The following RNF128 variants were observed in gnomAD, a reference collection of about 807,000 sequenced individuals.
The protein encoded by RNF128 is E3 ubiquitin-protein ligase RNF128.
Under a neutral mutation model 26.2 loss-of-function variants are expected in RNF128, and 13 were observed. The ratio of observed to expected loss-of-function variants is 0.50; its 90% CI spans 0.32 to 0.79. The LOEUF (loss-of-function observed/expected upper bound fraction) is 0.79. RNF128 is among the 30% of genes least tolerant of loss of function. The pLI is 0.03. For missense variants in RNF128, 315 were observed against 349.7 expected, an observed-to-expected ratio of 0.90 and a Z score of 0.79; for synonymous variants, 149 against 142.5, an observed-to-expected ratio of 1.05 and a Z score of -0.32.
At chrX:106,758,254 A>T (rs1569441700) in intron 1 of RNF128, among the ~76,000 whole-genome samples, 2 of 111,935 alleles carry the variant, frequency 1.8e-5, no homozygotes, top group East Asian at 5.6e-4. Flanking sequence ...AAAACTGTAA[A>T]ACAATGATAT....
intron 1 of RNF128, among the ~76,000 whole-genome samples, chrX:106,731,118 C>A (rs2147669991): frequency 8.9e-6 from 1 of 112,305 alleles, no homozygotes; most frequent in African/African-American, 3.2e-5. Context: ...ATATAGGAAG[C>A]TACTATTATG....
intron 1 of RNF128, among the ~76,000 whole-genome samples, chrX:106,715,166 G>T (rs1929192550): frequency 8.9e-6 from 1 of 111,943 alleles, no homozygotes; most frequent in Non-Finnish European, 1.9e-5. Flanking sequence ...AAAAAAAAAT[G>T]TACGTATGAT....
At chrX:106,761,942 C>CT (rs1239619554) in intron 1 of RNF128, among the ~76,000 whole-genome samples, 56 of 101,355 alleles carry the variant, frequency 5.5e-4, no homozygotes, top group East Asian at 2.4e-3. Context: ...CAGACACTGT[C>CT]TTTTTTTTTT....
At chrX:106,795,467 A>T (rs1017935638) in intron 6 of RNF128, 113 bp from the exon 7 acceptor site, 2 of 629,090 alleles carry the variant, frequency 3.2e-6, no homozygotes, top group Non-Finnish European at 4.8e-6. Context: ...TGAATATGGT[A>T]ATCAGTGTAT....
intron 1 of RNF128, among the ~76,000 whole-genome samples, chrX:106,703,130 A>G (rs914670132): frequency 9.8e-5 from 11 of 111,961 alleles, no homozygotes; most frequent in African/African-American, 3.2e-4. Context: ...ATACATTGAC[A>G]TCTCCCCCGT....
chrX:106,698,915 G>T (rs958479817), intron 1 of RNF128, among the ~76,000 whole-genome samples: 5 of 110,704 alleles, frequency 4.5e-5, no homozygotes, highest in Non-Finnish European at 9.4e-5. Context: ...CTTGCCACAC[G>T]GGACTCCTTT....
intron 2 of RNF128, among the ~76,000 whole-genome samples, chrX:106,782,696 A>G (rs1930586833): frequency 8.9e-6 from 1 of 112,024 alleles, no homozygotes; most frequent in South Asian, 3.7e-4. Context: ...TATAAAAAAT[A>G]TATTTTAAAC....
chrX:106,753,521 C>T (rs950058920), intron 1 of RNF128, among the ~76,000 whole-genome samples: 24 of 110,205 alleles, frequency 2.2e-4, no homozygotes, highest in Admixed American at 6.8e-4. Context: ...ATCACCTTCA[C>T]AAAAAGAAGA....
At position 106,735,042 on chromosome X, in the gene RNF128, A is replaced by G. The variant is rs936173404; in HGVS notation, c.484+7645A>G. Among the ~76,000 whole-genome samples the G allele has an allele frequency of 2.5e-4, 28 of 111,871 alleles. No individual in the cohort carries two copies. The Admixed American group carries it at 2.6e-3, about 10-fold the overall frequency. On this transcript the variant is annotated intron_variant, in intron 1 of 6. Coordinates refer to ENST00000255499, the MANE Select transcript of RNF128 (RefSeq NM_194463.2). Reference sequence around the variant, plus strand: ...GAACACAAGGGCTCTTTGTTGTGTTATTTCCTGTTCTGTCCTTTTCTTTTT... The same window carrying G: ...GAACACAAGGGCTCTTTGTTGTGTTGTTTCCTGTTCTGTCCTTTTCTTTTT...
chrX:106,733,861 C>T (rs1299777709), intron 1 of RNF128, among the ~76,000 whole-genome samples: 4 of 110,272 alleles, frequency 3.6e-5, no homozygotes, highest in African/African-American at 6.6e-5. Context: ...CTAACACACC[C>T]GGCTAATTGT....
At position 106,734,094 on chromosome X, in the gene RNF128, A is replaced by G. The variant is rs189699881; in HGVS notation, c.484+6697A>G. 7.2e-5 allele frequency among the ~76,000 whole-genome samples: 8 copies of G among 111,838 alleles called. No homozygotes were observed. In the Admixed American group the frequency reaches 7.6e-4, roughly 11 times the overall value. On this transcript the variant is annotated intron_variant, in intron 1 of 6. Coordinates refer to ENST00000255499, the MANE Select transcript of RNF128 (RefSeq NM_194463.2). Reference sequence around the variant, plus strand: ...TTTGTATACTGCTTTCTATTGTAAGAATTTCTCCATGTATCTAGAAATAGA... The same window carrying G: ...TTTGTATACTGCTTTCTATTGTAAGGATTTCTCCATGTATCTAGAAATAGA...
chrX:106,703,926 A>G (rs1450101551), intron 1 of RNF128, among the ~76,000 whole-genome samples: 1 of 110,608 alleles, frequency 9.0e-6, no homozygotes, highest in Non-Finnish European at 1.9e-5. Context: ...GAATGGCAAC[A>G]AAAATTCCTG....
intron 1 of RNF128, among the ~76,000 whole-genome samples, chrX:106,710,042 A>G (rs1474515178): frequency 8.9e-6 from 1 of 112,019 alleles, no homozygotes; most frequent in East Asian, 2.8e-4. Context: ...AAACACTCCA[A>G]TGTTCTAAAT....
chrX:106,709,259 G>A (rs1460404278), intron 1 of RNF128, among the ~76,000 whole-genome samples: 1 of 111,200 alleles, frequency 9.0e-6, no homozygotes, highest in Non-Finnish European at 1.9e-5. Context: ...TATCCCCATT[G>A]CTCATTTGTG....
intron 1 of RNF128, among the ~76,000 whole-genome samples, chrX:106,735,721 T>C (rs763053302): frequency 4.0e-4 from 45 of 111,930 alleles, no homozygotes; most frequent in Admixed American, 1.0e-3. Flanking sequence ...AATTTAAGAA[T>C]TGCTTTGGCC....
chrX:106,716,004 T>G (rs1929210528), intron 1 of RNF128, among the ~76,000 whole-genome samples: 1 of 111,820 alleles, frequency 8.9e-6, no homozygotes, highest in Non-Finnish European at 1.9e-5. Flanking sequence ...CTCCCACTAC[T>G]CCTCCTCTGT....
intron 1 of RNF128, among the ~76,000 whole-genome samples, chrX:106,719,852 C>G (rs1478888299): frequency 9.3e-6 from 1 of 107,285 alleles, no homozygotes; most frequent in Non-Finnish European, 1.9e-5. Flanking sequence ...TTCTGTGGAT[C>G]TAGTATACTG....
Position 106,785,141 on chromosome X carries a change from A to C in RNF128, c.804+5A>C. On this transcript the variant is annotated splice_donor_5th_base_variant and intron_variant, in intron 3 of 6. Coordinates refer to ENST00000255499, the MANE Select transcript of RNF128 (RefSeq NM_194463.2). ...ACACTGAAACAAGGAGACAAGGTAC[A>C]TTCATGACTTTTAAATGCTATTTAT... is the stretch of plus-strand genomic sequence containing the variant. 6 of 1,155,330 alleles carry C rather than the reference A, an allele frequency of 5.2e-6. No homozygotes were observed. The highest frequency in any genetic ancestry group is 3.5e-6 in the Non-Finnish European group (3 of 864,012).
intron 1 of RNF128, among the ~76,000 whole-genome samples, chrX:106,762,441 G>A (rs1930135392): frequency 1.8e-5 from 2 of 109,710 alleles, no homozygotes; most frequent in African/African-American, 3.3e-5. Context: ...AGCCTCCCGA[G>A]TAGCTGGGAT....
Sources: allele counts gnomAD v4.1 joint callset (sites outside exome capture counted in the v4.1 genomes callset), GRCh38; gene constraint gnomAD v4.1.1; transcripts MANE v1.5; gene names NCBI Gene and HGNC (gene_info 2026-07-23, HGNC 2026-07-21).